ATP8A2: variants seen among roughly 807,000 people sequenced by gnomAD.
ATP8A2 encodes phospholipid-transporting ATPase IB.
A neutral mutation model predicts 165.6 loss-of-function variants in ATP8A2; 100 were observed. The ratio of observed to expected loss-of-function variants is 0.60; its 90% CI spans 0.51 to 0.71. The LOEUF is 0.71. ATP8A2 is among the 30% of genes least tolerant of loss of function. The pLI, the probability that ATP8A2 is intolerant of heterozygous loss-of-function variation, is 0.00. For synonymous variants in ATP8A2, 543 were observed against 548.8 expected (o/e 0.99, Z 0.15); for missense variants, 1,227 against 1,479.5 (o/e 0.83, Z 2.80).
chr13:25,693,466 G>A (rs1325514797), intron 24 of ATP8A2, among the ~76,000 whole-genome samples: 2 of 152,104 alleles, frequency 1.3e-5, no homozygotes, highest in African/African-American at 4.8e-5. Flanking sequence ...GGACCTGGAG[G>A]GCTCTTAGTG....
intron 19 of ATP8A2, among the ~76,000 whole-genome samples, chr13:25,575,915 A>G (rs2039605255): frequency 6.6e-6 from 1 of 152,198 alleles, no homozygotes; most frequent in African/African-American, 2.4e-5. Context: ...AGATAAAAAC[A>G]GGTGAATATT....
At position 25,372,056 on chromosome 13, in the gene ATP8A2, C is replaced by A. The variant is rs1000553494; in HGVS notation, c.-157C>A. 322 of 342,704 alleles carry A rather than the reference C, an allele frequency of 9.4e-4. 1 individual carries two copies. The highest frequency in any genetic ancestry group is 1.3e-4 in the South Asian group (1 of 7,420). 21.2% of individuals were successfully genotyped at this position (342,704 alleles called of 1,614,324 possible). ...CGCTGCGGCACGGACGGCGCAGCCT[C>A]GGGCGCGGCCCGGCACAGGCGCCGG... On this transcript the variant is annotated 5_prime_UTR_variant, in exon 1 of 37. Coordinates refer to ENST00000381655, the MANE Select transcript of ATP8A2 (RefSeq NM_016529.6). This position sits in a 1 kb window ranked among gnomAD's most constrained non-coding sequence, Gnocchi z 4.8.
chr13:25,660,955 A>T (rs2042037490), intron 24 of ATP8A2, among the ~76,000 whole-genome samples: 1 of 152,148 alleles, frequency 6.6e-6, no homozygotes, highest in East Asian at 1.9e-4. Context: ...GAGAAGTGGG[A>T]GCGTAGCTTG....
chr13:25,715,240 T>G (rs543796275), intron 25 of ATP8A2, among the ~76,000 whole-genome samples: 2 of 152,174 alleles, frequency 1.3e-5, no homozygotes, highest in African/African-American at 4.8e-5. Flanking sequence ...GCAAGTCTCA[T>G]TGGAACTTGG....
intron 33 of ATP8A2, among the ~76,000 whole-genome samples, chr13:25,895,923 T>C (rs925161237): frequency 3.4e-5 from 5 of 149,120 alleles, no homozygotes; most frequent in South Asian, 2.1e-4. Context: ...TTCTTCTCTC[T>C]CTTCTTCTTT....
intron 24 of ATP8A2, among the ~76,000 whole-genome samples, chr13:25,619,115 G>A (rs2040903739): frequency 6.6e-6 from 1 of 152,210 alleles, no homozygotes; most frequent in African/African-American, 2.4e-5. Context: ...GGAACTCAGA[G>A]AGGCGAGAAC....
intron 8 of ATP8A2, among the ~76,000 whole-genome samples, chr13:25,541,325 A>G (rs941500418): frequency 1.3e-5 from 2 of 152,054 alleles, no homozygotes; most frequent in Non-Finnish European, 2.9e-5. Flanking sequence ...AAGAACAGTT[A>G]CAGCCTGGGC....
intron 13 of ATP8A2, among the ~76,000 whole-genome samples, chr13:25,557,634 C>T (rs761267529): frequency 2.6e-5 from 4 of 151,954 alleles, no homozygotes; most frequent in African/African-American, 7.3e-5. Flanking sequence ...GTGGGTGTGC[C>T]CTATACAGGT....
At chr13:25,876,013 G>T (rs532192523) in intron 33 of ATP8A2, among the ~76,000 whole-genome samples, 2 of 152,224 alleles carry the variant, frequency 1.3e-5, no homozygotes, top group African/African-American at 4.8e-5. Context: ...TCATTATGAT[G>T]TTCAAGGGAC....
At chr13:25,436,055 A>G (rs895658686) in intron 1 of ATP8A2, among the ~76,000 whole-genome samples, 1 of 150,900 alleles carries the variant, frequency 6.6e-6, no homozygotes, top group South Asian at 2.1e-4. Context: ...GGTCATAGCC[A>G]TAAAGCTTCA....
At chr13:25,686,152 C>T (rs1222664327) in intron 24 of ATP8A2, among the ~76,000 whole-genome samples, 1 of 152,114 alleles carries the variant, frequency 6.6e-6, no homozygotes, top group Non-Finnish European at 1.5e-5. Flanking sequence ...CAGGGCCATG[C>T]AGGCTTGGGA....
intron 2 of ATP8A2, among the ~76,000 whole-genome samples, chr13:25,521,029 A>G (rs55707726): frequency 0.29 from 43,736 of 151,972 alleles, 7,169 homozygotes; most frequent in Middle Eastern, 0.41. Context: ...CCAGCATTCA[A>G]TCTTCCCTGT....
chr13:25,546,514 C>CA, intron 10 of ATP8A2, among the ~76,000 whole-genome samples: 1 of 142,178 alleles, frequency 7.0e-6, no homozygotes, highest in Non-Finnish European at 1.5e-5. Context: ...GTTCTTCTAC[C>CA]TTTTTTTTTT....
At chr13:25,756,270 T>C (rs966911684) in intron 25 of ATP8A2, among the ~76,000 whole-genome samples, 2 of 151,954 alleles carry the variant, frequency 1.3e-5, no homozygotes, top group African/African-American at 4.8e-5. Context: ...GCAATGGCGG[T>C]GTCCCCATAT....
chr13:25,960,283 T>C (rs1955629760), intron 33 of ATP8A2, among the ~76,000 whole-genome samples: 1 of 151,992 alleles, frequency 6.6e-6, no homozygotes, highest in Admixed American at 6.5e-5. Flanking sequence ...AACCGAAGAG[T>C]GGGTTGACTC....
intron 27 of ATP8A2, among the ~76,000 whole-genome samples, chr13:25,800,698 G>C (rs1487386635): frequency 6.6e-6 from 1 of 152,080 alleles, no homozygotes; most frequent in Non-Finnish European, 1.5e-5. Context: ...CTGGGCGATC[G>C]CCGTCATGCT....
At chr13:25,528,330 G>T (rs759491967) in intron 2 of ATP8A2, among the ~76,000 whole-genome samples, 2 of 152,130 alleles carry the variant, frequency 1.3e-5, no homozygotes, top group Non-Finnish European at 2.9e-5. Context: ...AGCACCTTAG[G>T]TAGAAGTTGC....
intron 2 of ATP8A2, among the ~76,000 whole-genome samples, chr13:25,476,601 T>TGG (rs2036002864): frequency 1.3e-5 from 2 of 152,156 alleles, no homozygotes; most frequent in African/African-American, 4.8e-5. Context: ...AATCATAACT[T>TGG]TTTTGGTTTA....
At position 25,462,826 on chromosome 13, in the gene ATP8A2, A is replaced by T. The variant is rs564607754; in HGVS notation, c.77-6151A>T. On this transcript the variant is annotated intron_variant, in intron 1 of 36. Transcript: ENST00000381655. ...GGTGTGCACAGAGGGGCCCACCATG[A>T]ATAGCAAAGATACTCCTATCACTGC... Among the ~76,000 whole-genome samples the T allele has an allele frequency of 2.6e-5, 4 of 152,318 alleles. No individual in the cohort carries two copies. The East Asian group carries it at 7.7e-4, about 29-fold the overall frequency.
Sources: allele counts gnomAD v4.1 joint callset (sites outside exome capture counted in the v4.1 genomes callset), GRCh38; gene constraint gnomAD v4.1.1; non-coding constraint Gnocchi (gnomAD v3.1); transcripts MANE v1.5; gene names NCBI Gene and HGNC (gene_info 2026-07-23, HGNC 2026-07-21).